TAF11: variants seen among roughly 807,000 people sequenced by gnomAD.
The protein encoded by TAF11 is transcription initiation factor TFIID subunit 11.
A neutral mutation model predicts 23.0 loss-of-function variants in TAF11; 10 were observed. That is an observed-to-expected ratio of 0.43 (90% CI 0.27 to 0.74). The LOEUF (loss-of-function observed/expected upper bound fraction) is 0.74, where lower values mean the gene tolerates loss of function less well. TAF11 is among the 30% of genes least tolerant of loss of function. The pLI, the probability that TAF11 is intolerant of heterozygous loss-of-function variation, is 0.19. For missense variants in TAF11, 196 were observed against 261.7 expected, an observed-to-expected ratio of 0.75 and a Z score of 1.73; for synonymous variants, 85 against 95.8, an observed-to-expected ratio of 0.89 and a Z score of 0.66.
intron 1 of TAF11, among the ~76,000 whole-genome samples, chr6:34,886,428 A>G (rs1268419612): frequency 6.6e-6 from 1 of 151,926 alleles, no homozygotes; most frequent in East Asian, 1.9e-4. Flanking sequence ...CTGCCTTAAA[A>G]TACTTTTGTC....
chr6:34,881,584 A>G (rs1477676393), intron 2 of TAF11, among the ~76,000 whole-genome samples: 1 of 152,146 alleles, frequency 6.6e-6, no homozygotes, highest in East Asian at 1.9e-4. Context: ...TAGGCTACAA[A>G]ACAGTATTTG....
chr6:34,880,224 T>C lies in TAF11; in HGVS notation c.408+65A>G, dbSNP rs993761727. On this transcript the variant is annotated intron_variant, in intron 3 of 4. Transcript: ENST00000361288. This position sits in a 1 kb window ranked among gnomAD's most constrained non-coding sequence, Gnocchi z 4.8. Reference sequence around the variant, plus strand: ...TCTAACACCTCACTTCAAATGCCAATGGACATGGCTCTTGAGTTCAGTTCT... The same window carrying C: ...TCTAACACCTCACTTCAAATGCCAACGGACATGGCTCTTGAGTTCAGTTCT... 1 of 1,574,790 alleles carries C rather than the reference T, an allele frequency of 6.4e-7. No individual in the cohort carries two copies. Among genetic ancestry groups the C allele is most frequent in the Non-Finnish European group, 8.7e-7 (1 of 1,146,906 alleles).
intron 1 of TAF11, 170 bp from the exon 2 acceptor site, chr6:34,883,250 G>T: frequency 1.7e-6 from 1 of 589,614 alleles, no homozygotes; most frequent in Non-Finnish European, 2.8e-6. Context: ...TCTCCTAAGG[G>T]AAGATTATGG....
chr6:34,878,513 C>T lies in TAF11; in HGVS notation c.*77G>A, dbSNP rs1164504160. On this transcript the variant is annotated 3_prime_UTR_variant, in exon 5 of 5. Coordinates refer to ENST00000361288, the MANE Select transcript of TAF11 (RefSeq NM_005643.4). ...CTTGGAGGCCTGAGATACTAAAGCA[C>T]CAATGCAGACAGTCTTATAGGAAGT... 14 of 805,650 alleles carry T rather than the reference C, an allele frequency of 1.7e-5. 1 individual carries two copies. The highest frequency in any genetic ancestry group is 7.3e-5 in the East Asian group (3 of 41,176). The allele number at this position is 805,650 out of a possible 1,614,324, so 49.9% of individuals were successfully genotyped here.
At chr6:34,883,460 G>C (rs1452844871) in intron 1 of TAF11, among the ~76,000 whole-genome samples, 2 of 152,108 alleles carry the variant, frequency 1.3e-5, no homozygotes, top group African/African-American at 4.8e-5. Flanking sequence ...TCTGCTTCCA[G>C]ATCTATAGAT....
At position 34,879,956 on chromosome 6, in the gene TAF11, A is replaced by G. The variant is rs577928607; in HGVS notation, c.505+11T>C. On this transcript the variant is annotated intron_variant, in intron 4 of 4. Transcript: ENST00000361288. ...AGGTACAATCCAGTATTTGTAACCA[A>G]CACTACTCACCTTCTTCTACCACCT... The G allele has an allele frequency of 2.5e-6, 4 of 1,612,284 alleles. No homozygotes were observed. In the South Asian group the frequency reaches 3.3e-5, roughly 13 times the overall value.
intron 2 of TAF11, among the ~76,000 whole-genome samples, chr6:34,881,367 C>T (rs929466773): frequency 6.6e-5 from 10 of 152,194 alleles, no homozygotes; most frequent in Middle Eastern, 3.4e-3. Context: ...AACATTATAC[C>T]CAACTATATA....
rs915414267 is a variant in TAF11 at position 34,878,244 on chromosome 6, ACAAAACGAAAC to A, written c.*335_*345del. 6.6e-4 allele frequency: 148 copies of A among 223,212 alleles called. No individual in the cohort carries two copies. The highest frequency in any genetic ancestry group is 3.2e-3 in the African/African-American group (143 of 44,232). The allele number at this position is 223,212 out of a possible 1,614,324, so 13.8% of individuals were successfully genotyped here. A position where few individuals can be genotyped will look rare whatever the true frequency, so the allele number is the denominator to read the frequency against. On this transcript the variant is annotated 3_prime_UTR_variant, in exon 5 of 5. Transcript: ENST00000361288. ...GTGATAGAGCAAGACCCTATCTCAA[ACAAAACGAAAC>A]CAAAACAAAACAAAACTCTCTTGGA...
At chr6:34,882,327 A>C (rs1199592924) in intron 2 of TAF11, among the ~76,000 whole-genome samples, 4 of 146,952 alleles carry the variant, frequency 2.7e-5, no homozygotes, top group Non-Finnish European at 4.5e-5. Context: ...AACGAGAGCG[A>C]AACTCTGTCT....
chr6:34,887,641 C>G, intron 1 of TAF11, 146 bp downstream of exon 1: 1 of 1,002,442 alleles, frequency 1.0e-6, no homozygotes, highest in South Asian at 1.5e-5. Context: ...CGTCCCCTCT[C>G]TTCCCCCTCA....
At chr6:34,886,927 C>T (rs1375547656) in intron 1 of TAF11, among the ~76,000 whole-genome samples, 1 of 152,136 alleles carries the variant, frequency 6.6e-6, no homozygotes, top group Non-Finnish European at 1.5e-5. Context: ...ATCCTGAGAA[C>T]GATGAGTTTC....
At chr6:34,887,604 C>G (rs968507661) in intron 1 of TAF11, among the ~76,000 whole-genome samples, 183 bp downstream of exon 1, 3 of 152,158 alleles carry the variant, frequency 2.0e-5, no homozygotes, top group Non-Finnish European at 4.4e-5. Flanking sequence ...CCTCTGGAAC[C>G]GAACCAGCAC....
At chr6:34,886,599 G>A (rs1766532037) in intron 1 of TAF11, among the ~76,000 whole-genome samples, 1 of 151,654 alleles carries the variant, frequency 6.6e-6, no homozygotes, top group East Asian at 2.0e-4. Context: ...CTAAGTAGCC[G>A]GGATTACAGG....
chr6:34,883,319 C>T (rs917682953), intron 1 of TAF11, among the ~76,000 whole-genome samples: 1 of 152,124 alleles, frequency 6.6e-6, no homozygotes, highest in African/African-American at 2.4e-5. Flanking sequence ...GCTATGAGCA[C>T]AGCTCCAGTA....
rs748301655 is a variant in TAF11 at position 34,887,996 on chromosome 6, G to C, written c.-39C>G. On this transcript the variant is annotated 5_prime_UTR_variant, in exon 1 of 5. Transcript: ENST00000361288. ...GGAGGGGAGAGGAGATCGCGGAGAT[G>C]CCTGAGGCAGAAGCTCGGAAACCCG... 4 of 1,610,830 alleles carry C rather than the reference G, an allele frequency of 2.5e-6. No homozygotes were observed. The African/African-American group carries it at 4.0e-5, about 16-fold the overall frequency.
intron 1 of TAF11, among the ~76,000 whole-genome samples, chr6:34,886,551 C>T (rs1199160453): frequency 6.6e-6 from 1 of 151,656 alleles, no homozygotes; most frequent in South Asian, 2.1e-4. Flanking sequence ...CTGCAATCTC[C>T]GCCTCCCAGG....
intron 2 of TAF11, among the ~76,000 whole-genome samples, chr6:34,882,242 G>A (rs1766445216): frequency 6.6e-6 from 1 of 151,722 alleles, no homozygotes; most frequent in South Asian, 2.1e-4. Context: ...GGAGGCTGAG[G>A]CAGGAGAATC....
chr6:34,880,483 T>A lies in TAF11; in HGVS notation c.321-107A>T. ...ATTCAAAAACGAATTCTTAAAGGGG[T>A]CAATGGCATTAGGCTTGGTGCCTTG... is the stretch of plus-strand genomic sequence containing the variant. On this transcript the variant is annotated intron_variant, in intron 2 of 4. Coordinates refer to ENST00000361288, the MANE Select transcript of TAF11 (RefSeq NM_005643.4). The surrounding 1 kb of genome is among the most constrained non-coding windows in gnomAD (Gnocchi z 4.8). The A allele has an allele frequency of 1.0e-6, 1 of 955,852 alleles. No individual in the cohort carries two copies. The highest frequency in any genetic ancestry group is 1.5e-5 in the South Asian group (1 of 66,922). The allele number at this position is 955,852 out of a possible 1,614,324, so 59.2% of individuals were successfully genotyped here.
At chr6:34,886,581 T>C (rs976344997) in intron 1 of TAF11, among the ~76,000 whole-genome samples, 3 of 151,770 alleles carry the variant, frequency 2.0e-5, no homozygotes, top group African/African-American at 7.3e-5. Context: ...TTCTTGTGCC[T>C]CAGCCTCCTA....
Sources: allele counts gnomAD v4.1 joint callset (sites outside exome capture counted in the v4.1 genomes callset), GRCh38; gene constraint gnomAD v4.1.1; non-coding constraint Gnocchi (gnomAD v3.1); transcripts MANE v1.5; gene names NCBI Gene and HGNC (gene_info 2026-07-23, HGNC 2026-07-21).